Variants in ZCCHC17 observed in about 807,000 individuals in gnomAD.
The protein encoded by ZCCHC17 is zinc finger CCHC-type containing 17, also known as zinc finger CCHC domain-containing protein 17.
In ZCCHC17, 18 loss-of-function variants were observed where a neutral mutation model predicts 30.6. The ratio of observed to expected loss-of-function variants is 0.59; its 90% CI spans 0.41 to 0.87. ZCCHC17 has a LOEUF of 0.87. ZCCHC17 is among the 40% of genes least tolerant of loss of function. The pLI, the probability that ZCCHC17 is intolerant of heterozygous loss-of-function variation, is 0.00. For missense variants in ZCCHC17, 263 were observed against 284.2 expected (o/e 0.93, Z 0.54); for synonymous variants, 88 against 92.4 (o/e 0.95, Z 0.27).
In ZCCHC17 at chr1:31,318,166, GT is replaced by G. The variant is rs1203457093; in HGVS notation, c.67-941del. ...TGTTTTATTTACTCCCCTTGTTTTA[GT>G]TATGGTGAAGCTGAAACAGTGCTCA... On this transcript the variant is annotated intron_variant, in intron 2 of 7. Transcript: ENST00000344147. 3.9e-6 allele frequency: 6 copies of G among 1,533,962 alleles called. No individual in the cohort carries two copies. The African/African-American group carries it at 8.2e-5, about 21-fold the overall frequency.
chr1:31,327,606 C>T (rs1438302434), intron 3 of ZCCHC17, among the ~76,000 whole-genome samples: 3 of 152,190 alleles, frequency 2.0e-5, no homozygotes, highest in Non-Finnish European at 1.5e-5. Context: ...TTTGTCCATC[C>T]ACACTGTGTA....
chr1:31,324,781 G>C (rs1442924217), intron 3 of ZCCHC17, among the ~76,000 whole-genome samples: 1 of 152,144 alleles, frequency 6.6e-6, no homozygotes, highest in African/African-American at 2.4e-5. Flanking sequence ...GGTGCCCCTG[G>C]GCACAGAACA....
chr1:31,324,107 C>T (rs1638244199), intron 3 of ZCCHC17, among the ~76,000 whole-genome samples: 1 of 152,146 alleles, frequency 6.6e-6, no homozygotes, highest in Admixed American at 6.5e-5. Context: ...AGAAGCACTC[C>T]AATTTCAGAG....
At chr1:31,346,964 C>A in intron 6 of ZCCHC17, 2 of 922,732 alleles carry the variant, frequency 2.2e-6, no homozygotes, top group Non-Finnish European at 3.2e-6. Context: ...ACTACCACCA[C>A]TCCTCCCACC....
chr1:31,359,972 TGAACTACAACC>T (rs1472561517), intron 7 of ZCCHC17, among the ~76,000 whole-genome samples: 19 of 150,162 alleles, frequency 1.3e-4, no homozygotes, highest in Admixed American at 3.3e-4. Context: ...ACTTTGCTTT[TGAACTACAACC>T]TTTTTTTTTT....
chr1:31,304,696 T>C (rs1266426599), intron 1 of ZCCHC17, among the ~76,000 whole-genome samples: 1 of 150,986 alleles, frequency 6.6e-6, no homozygotes. Flanking sequence ...CCCAGGTTCA[T>C]GCCATTCTCC....
chr1:31,307,736 G>A (rs1478295019), intron 1 of ZCCHC17, among the ~76,000 whole-genome samples: 1 of 152,006 alleles, frequency 6.6e-6, no homozygotes, highest in African/African-American at 2.4e-5. Flanking sequence ...CACCATGCCC[G>A]GCTCATTTTT....
chr1:31,337,049 T>A, intron 3 of ZCCHC17, 126 bp from the exon 4 acceptor site: 2 of 783,312 alleles, frequency 2.6e-6, no homozygotes, highest in South Asian at 4.2e-5. Context: ...GTTTTAAGTT[T>A]CACGCTTTTC....
At chr1:31,357,629 A>G (rs1296375904) in intron 7 of ZCCHC17, among the ~76,000 whole-genome samples, 2 of 152,252 alleles carry the variant, frequency 1.3e-5, no homozygotes, top group African/African-American at 4.8e-5. Context: ...AATAGTAAAA[A>G]TAATGTATCA....
intron 3 of ZCCHC17, among the ~76,000 whole-genome samples, chr1:31,327,228 G>A (rs1378604703): frequency 6.6e-6 from 1 of 152,144 alleles, no homozygotes; most frequent in African/African-American, 2.4e-5. Flanking sequence ...TATTTATCTG[G>A]AGCTTGTGTT....
chr1:31,324,335 G>A (rs1392837965), intron 3 of ZCCHC17, among the ~76,000 whole-genome samples: 1 of 152,174 alleles, frequency 6.6e-6, no homozygotes, highest in Non-Finnish European at 1.5e-5. Flanking sequence ...TAGAGTGGCT[G>A]CTGCAAAGAT....
chr1:31,355,849 C>T (rs1443848583), intron 7 of ZCCHC17, among the ~76,000 whole-genome samples: 2 of 152,098 alleles, frequency 1.3e-5, no homozygotes, highest in Non-Finnish European at 2.9e-5. Flanking sequence ...TTCCTTTTAC[C>T]CTCTAAATCT....
chr1:31,360,230 C>T lies in ZCCHC17; in HGVS notation c.565-3802C>T, dbSNP rs190512440. ...TGTTGCCCAGGCTGGAGTGCAGTGG[C>T]GCGATCTTGGCTCACCAAAACCTCC... On this transcript the variant is annotated intron_variant, in intron 7 of 7. Transcript: ENST00000344147. Among the ~76,000 whole-genome samples the T allele has an allele frequency of 2.6e-5, 4 of 151,422 alleles. No individual in the cohort carries two copies. The East Asian group carries it at 5.8e-4, about 22-fold the overall frequency.
At chr1:31,314,573 C>A (rs1476681473) in intron 2 of ZCCHC17, among the ~76,000 whole-genome samples, 2 of 152,138 alleles carry the variant, frequency 1.3e-5, no homozygotes, top group Non-Finnish European at 1.5e-5. Context: ...GTTAAGTAAT[C>A]GCCTAGGGAT....
intron 1 of ZCCHC17, among the ~76,000 whole-genome samples, chr1:31,298,378 TTTTTTTTTG>T (rs1175304161): frequency 1.1e-4 from 3 of 26,328 alleles, no homozygotes; most frequent in African/African-American, 4.0e-4. Context: ...TAGAGACCAG[TTTTTTTTTG>T]TTTTTTTTTT....
intron 1 of ZCCHC17, among the ~76,000 whole-genome samples, chr1:31,297,422 G>C (rs748029852): frequency 2.4e-4 from 36 of 152,214 alleles, no homozygotes; most frequent in Admixed American, 2.3e-3. Context: ...CACTGATTTT[G>C]CAGTTTTTGA....
chr1:31,313,121 C>T (rs1289035758), intron 2 of ZCCHC17, among the ~76,000 whole-genome samples: 1 of 147,050 alleles, frequency 6.8e-6, no homozygotes, highest in East Asian at 2.0e-4. Flanking sequence ...ACTCTGTTGC[C>T]CAGGCTGGAC....
chr1:31,334,205 T>C (rs1638708004), intron 3 of ZCCHC17, among the ~76,000 whole-genome samples: 1 of 152,078 alleles, frequency 6.6e-6, no homozygotes, highest in South Asian at 2.1e-4. Flanking sequence ...ATGTGGGATG[T>C]AGTGATGATG....
chr1:31,343,216 C>T (rs763135668), intron 5 of ZCCHC17, among the ~76,000 whole-genome samples: 8 of 152,022 alleles, frequency 5.3e-5, no homozygotes, highest in Non-Finnish European at 8.8e-5. Flanking sequence ...CCCACCACTG[C>T]GCCCGGCTAA....
Sources: gnomAD v4.1 joint callset for allele counts (sites outside exome capture counted in the v4.1 genomes callset) on GRCh38, gnomAD v4.1.1 for gene constraint, MANE v1.5 for transcripts, NCBI Gene and HGNC (gene_info 2026-07-23, HGNC 2026-07-21) for gene names.